Variants in CCDC47 observed in about 807,000 individuals in gnomAD.
CCDC47 encodes the protein coiled-coil domain containing 47.
In CCDC47, 41 loss-of-function variants were observed where a neutral mutation model predicts 60.5. The ratio of observed to expected loss-of-function variants is 0.68; its 90% CI spans 0.53 to 0.88. The LOEUF is 0.88. Among genes scored for constraint, CCDC47 ranks in the 40% least tolerant of loss-of-function variants. The pLI is 0.00. For missense variants in CCDC47, 513 were observed against 580.9 expected (o/e 0.88, Z 1.20); for synonymous variants, 195 against 190.7 (o/e 1.02, Z -0.18).
rs57991028 is a variant in CCDC47, at chr17:63,762,948, G to T, written c.547+1068C>A. Among the ~76,000 whole-genome samples the T allele has an allele frequency of 1.4e-3, 207 of 152,190 alleles. 1 individual carries two copies. The highest frequency in any genetic ancestry group is 4.8e-3 in the African/African-American group (200 of 41,526). On this transcript the variant is annotated intron_variant, in intron 4 of 12. Transcript: ENST00000225726. The stretch of plus-strand genomic sequence containing the variant: ...ATATATTCTTATTTTTAGAAACAGG[G>T]TCTCATTCTGTCACCCAGGCTGGAG...
intron 6 of CCDC47, among the ~76,000 whole-genome samples, chr17:63,759,556 TATATATA>T (rs1568249192): frequency 5.2e-5 from 2 of 38,728 alleles, no homozygotes; most frequent in Non-Finnish European, 8.8e-5. Context: ...TATATATATA[TATATATA>T]TATATATATA....
In CCDC47 at chr17:63,749,453, G is replaced by GAA. The variant is rs34119562; in HGVS notation, c.1371+2485_1371+2486dup. Among the ~76,000 whole-genome samples the GAA allele has an allele frequency of 2.3e-3, 233 of 101,262 alleles. 2 individuals carry two copies. The highest frequency in any genetic ancestry group is 5.7e-3 in the Middle Eastern group (1 of 174). The allele number at this position is 101,262 out of a possible 152,430, so 66.4% of individuals were successfully genotyped here. A position where few individuals can be genotyped will look rare whatever the true frequency, so the allele number is the denominator to read the frequency against. ...ACCATTTCCCCACTACCAGAATAAG[G>GAA]AAAAAAAAAAAAAAAAAAGACCTGG... On this transcript the variant is annotated intron_variant, in intron 12 of 12. Transcript: ENST00000225726.
chr17:63,768,824 C>T (rs1230184410), intron 1 of CCDC47, among the ~76,000 whole-genome samples: 1 of 152,036 alleles, frequency 6.6e-6, no homozygotes, highest in Non-Finnish European at 1.5e-5. Flanking sequence ...ACGCTCATTC[C>T]TGTAATCCCA....
chr17:63,758,862 C>A (rs769697599), intron 6 of CCDC47, among the ~76,000 whole-genome samples: 6 of 151,696 alleles, frequency 4.0e-5, no homozygotes, highest in Non-Finnish European at 7.4e-5. Context: ...GGAAATTACA[C>A]AAAGCAAACC....
chr17:63,763,781 G>A (rs977111743), intron 4 of CCDC47, among the ~76,000 whole-genome samples: 4 of 151,062 alleles, frequency 2.6e-5, no homozygotes, highest in East Asian at 3.9e-4. Flanking sequence ...CCGAGATCGC[G>A]CCACTGCACT....
At position 63,764,936 on chromosome 17, in the gene CCDC47, A is replaced by C. The variant is rs897531251; in HGVS notation, c.265-89T>G. 3 of 1,534,148 alleles carry C rather than the reference A, an allele frequency of 2.0e-6. No individual in the cohort carries two copies. In the African/African-American group the frequency reaches 4.2e-5, roughly 21 times the overall value. ...GTTGGCAACATTTGTTGGGGAAAACAAGAACGTGTAAGCAGCAAGCACAGA... is the reference window on the plus strand; with the variant it reads ...GTTGGCAACATTTGTTGGGGAAAACCAGAACGTGTAAGCAGCAAGCACAGA... On this transcript the variant is annotated intron_variant, in intron 2 of 12. Coordinates refer to ENST00000225726, the MANE Select transcript of CCDC47 (RefSeq NM_020198.3).
intron 1 of CCDC47, among the ~76,000 whole-genome samples, chr17:63,767,864 C>T (rs537951686): frequency 1.3e-5 from 2 of 152,074 alleles, no homozygotes; most frequent in Non-Finnish European, 2.9e-5. Flanking sequence ...TTTTTCCAGT[C>T]TTGCTTGTTG....
intron 4 of CCDC47, 174 bp from the exon 5 acceptor site, chr17:63,761,525 A>AAAAG (rs2144489378): frequency 2.2e-6 from 1 of 455,032 alleles, no homozygotes; most frequent in East Asian, 4.3e-5. Flanking sequence ...ACTAAAAAAA[A>AAAAG]AAAAAAAAAA....
intron 12 of CCDC47, among the ~76,000 whole-genome samples, chr17:63,748,293 A>G (rs1221286740): frequency 2.6e-5 from 4 of 151,800 alleles, no homozygotes; most frequent in Non-Finnish European, 4.4e-5. Flanking sequence ...TTGTATTCTT[A>G]GTAGAGATGG....
chr17:63,763,975 G>A, intron 4 of CCDC47, 41 bp downstream of exon 4: 1 of 1,525,402 alleles, frequency 6.6e-7, no homozygotes. Flanking sequence ...TTACCAGATT[G>A]TTTTCAAGCA....
At chr17:63,749,263 C>T (rs2039143862) in intron 12 of CCDC47, among the ~76,000 whole-genome samples, 1 of 151,392 alleles carries the variant, frequency 6.6e-6, no homozygotes, top group South Asian at 2.1e-4. Flanking sequence ...CAAAAATTAG[C>T]CGGGCATGGA....
At chr17:63,747,344 TCTA>T in intron 12 of CCDC47, 1 of 983,708 alleles carries the variant, frequency 1.0e-6, no homozygotes, top group Non-Finnish European at 1.2e-6. Context: ...GAAGATACAT[TCTA>T]CTTCAGTTCA....
chr17:63,749,781 A>G (rs1259727252), intron 12 of CCDC47, among the ~76,000 whole-genome samples: 2 of 151,648 alleles, frequency 1.3e-5, no homozygotes, highest in South Asian at 2.1e-4. Context: ...TAGTTTTTGA[A>G]AAGATGTGAG....
chr17:63,751,732 A>C, intron 12 of CCDC47: 1 of 635,130 alleles, frequency 1.6e-6, no homozygotes, highest in African/African-American at 1.8e-5. Context: ...TAATACTGAT[A>C]ATTTTTCACG....
chr17:63,758,593 C>T (rs528102322), intron 6 of CCDC47, among the ~76,000 whole-genome samples: 36 of 151,882 alleles, frequency 2.4e-4, no homozygotes, highest in Admixed American at 6.6e-5. Flanking sequence ...AGTTGGTATA[C>T]AGAGAATCTG....
At chr17:63,767,649 G>T (rs1326545573) in intron 1 of CCDC47, among the ~76,000 whole-genome samples, 1 of 151,922 alleles carries the variant, frequency 6.6e-6, no homozygotes, top group African/African-American at 2.4e-5. Flanking sequence ...CGTGTATCTA[G>T]TAAGATAGTA....
At chr17:63,771,045 G>GAAGGAAGAAGAAAGAAAGA (rs759971442) in intron 1 of CCDC47, among the ~76,000 whole-genome samples, 1,104 of 97,746 alleles carry the variant, frequency 0.011, 9 homozygotes, top group Admixed American at 0.016. Context: ...AGGAAGGAAG[G>GAAGGAAGAAGAAAGAAAGA]AAGAAAGAAA....
intron 1 of CCDC47, chr17:63,766,906 A>T: frequency 1.0e-6 from 1 of 983,266 alleles, no homozygotes; most frequent in Non-Finnish European, 1.2e-6. Context: ...ATCCATGAAT[A>T]AAAAAGCCAT....
intron 1 of CCDC47, among the ~76,000 whole-genome samples, chr17:63,770,769 G>A (rs1013005768): frequency 4.6e-5 from 7 of 151,746 alleles, no homozygotes; most frequent in Admixed American, 2.0e-4. Flanking sequence ...GCAGATCAGC[G>A]GAGGTCAGGA....
Sources: gnomAD v4.1 joint callset for allele counts (sites outside exome capture counted in the v4.1 genomes callset) on GRCh38, gnomAD v4.1.1 for gene constraint, MANE v1.5 for transcripts, NCBI Gene and HGNC (gene_info 2026-07-23, HGNC 2026-07-21) for gene names.